TINF2: variants seen among roughly 807,000 people sequenced by gnomAD.
The protein encoded by TINF2 is TERF1 interacting nuclear factor 2, also known as TERF1-interacting nuclear factor 2.
A neutral mutation model predicts 50.4 loss-of-function variants in TINF2; 27 were observed. The ratio of observed to expected loss-of-function variants is 0.54; its 90% CI spans 0.40 to 0.74. TINF2 has a LOEUF of 0.74. TINF2 is among the 30% of genes least tolerant of loss of function. TINF2 has a pLI of 0.00. For synonymous variants in TINF2, 223 were observed against 214.6 expected (o/e 1.04, Z -0.34); for missense variants, 496 against 551.5 (o/e 0.90, Z 1.01).
rs745993165 is a variant in TINF2, at chr14:24,241,840, T to A, written c.297+50A>T. The A allele has an allele frequency of 9.3e-6, 15 of 1,612,962 alleles. No individual in the cohort carries two copies. In the Admixed American group the frequency reaches 2.3e-4, roughly 25 times the overall value. ...ATCCAGTAGACAGGAGGAGCAACTT[T>A]GCTGCACCAAGTGTAACTGGGGTCA... On this transcript the variant is annotated intron_variant, in intron 2 of 8. Coordinates refer to ENST00000267415, the MANE Select transcript of TINF2 (RefSeq NM_001099274.3).
chr14:24,241,204 C>T lies in TINF2; in HGVS notation c.507G>A (p.Gln169=). 1 of 1,614,194 alleles carries T rather than the reference C, an allele frequency of 6.2e-7. No homozygotes were observed. Among genetic ancestry groups the T allele is most frequent in the Non-Finnish European group, 8.5e-7 (1 of 1,180,038 alleles). The change falls in exon 4 of 9, where the codon CAG becomes CAA. Residue 169 remains glutamine (Q), a splice_region_variant and synonymous_variant. Transcript: ENST00000267415. ...EKALPTPQAQ[Q]LQDVLSWMQP... Reference sequence around the variant, plus strand: ...CTTACATGTTTTGCCCCAGCGAAACCTGCTGTGCCTGCGGTGTAGGCAGTG... The same window carrying T: ...CTTACATGTTTTGCCCCAGCGAAACTTGCTGTGCCTGCGGTGTAGGCAGTG...
chr14:24,240,825 G>T lies in TINF2; in HGVS notation c.655C>A (p.Pro219Thr). The part of the protein sequence containing the change: ...VNLAEPMEQN[P>T]PQQQRLALHN... ...AGTGCTAGTCTTTGTTGCTGAGGAG[G>T]ATTCTGTTCCATGGGCTCAGCCAGG... Residue 219 changes from proline to threonine, a missense_variant, in exon 6 of 9, where the codon CCT becomes ACT. By Grantham distance (38) the Pro-to-Thr change is conservative. This residue lies in a region of TINF2 where 314 missense variants were observed against 343.8 expected (regional missense o/e 0.91). Transcript: ENST00000267415. 6.2e-7 allele frequency: 1 copy of T among 1,614,010 alleles called. No individual in the cohort carries two copies. The highest frequency in any genetic ancestry group is 8.5e-7 in the Non-Finnish European group (1 of 1,180,014).
rs2040536030 is a variant in TINF2 at position 24,240,114 on chromosome 14, C to T, written c.1171G>A (p.Asp391Asn). ...TCCTCATCAGAGTCTAAAACCAAGT[C>T]CCCTATGGTAATGACGGAGCTGCAC... The part of the protein sequence containing the change: ...SLCSSVITIG[D>N]LVLDSDEEEN... Residue 391 changes from aspartate (D) to asparagine (N), a missense_variant, in exon 8 of 9, where the codon GAC becomes AAC. Asp to Asn is a conservative substitution (Grantham distance 23). This residue lies in a region of TINF2 where 179 missense variants were observed against 188.3 expected (regional missense o/e 0.95). Coordinates refer to ENST00000267415, the MANE Select transcript of TINF2 (RefSeq NM_001099274.3). 1.2e-6 allele frequency: 2 copies of T among 1,614,082 alleles called. No homozygotes were observed. Among genetic ancestry groups the T allele is most frequent in the South Asian group, 1.1e-5 (1 of 91,058 alleles).
At chr14:24,242,018 C>T in intron 1 of TINF2, 24 bp from the exon 2 acceptor site, 1 of 1,614,216 alleles carries the variant, frequency 6.2e-7, no homozygotes, top group Non-Finnish European at 8.5e-7. Context: ...AATTCAGAAT[C>T]CCCACTTCGG....
Position 24,242,306 on chromosome 14 carries a change from G to C in TINF2, c.27C>G (p.Pro9=), listed in dbSNP as rs754494652. Residue 9 remains proline, a synonymous_variant, in exon 1 of 9, where the codon CCC becomes CCG. Transcript: ENST00000267415. Reference sequence around the variant, plus strand: ...CCGCGGCGGCGAAGCGTAGAGCTGCGGGACCCGCCACCAGGGGCGTAGCCA... The same window carrying C: ...CCGCGGCGGCGAAGCGTAGAGCTGCCGGACCCGCCACCAGGGGCGTAGCCA... MATPLVAG[P]AALRFAAAAS... 6.2e-7 allele frequency: 1 copy of C among 1,612,948 alleles called. No individual in the cohort carries two copies. Among genetic ancestry groups the C allele is most frequent in the African/African-American group, 1.3e-5 (1 of 75,052 alleles).
rs1555303965 is a variant in TINF2 at position 24,240,435 on chromosome 14, C to G, written c.1045G>C (p.Ala349Pro). 1.2e-6 allele frequency: 2 copies of G among 1,614,198 alleles called. No homozygotes were observed. Among genetic ancestry groups the G allele is most frequent in the East Asian group, 4.5e-5 (2 of 44,890 alleles). ...TCCACTCACTCCTTTTGCTCTGTGGCAGGCAAGTCAACTGGGTTCTCCTTC... is the reference window on the plus strand; with the variant it reads ...TCCACTCACTCCTTTTGCTCTGTGGGAGGCAAGTCAACTGGGTTCTCCTTC... ...ALKENPVDLP[A>P]TEQKENCLDC... Residue 349 changes from alanine to proline, a missense_variant, in exon 6 of 9, where the codon GCC (alanine) becomes CCC (proline). By Grantham distance (27) the Ala-to-Pro change is conservative. Transcript: ENST00000267415.
rs2139004587 is a variant in TINF2, at chr14:24,242,408, G to A, written c.-76C>T. ...GGGTGAGGCTTTCCGATCACTCCTAGGGGCGGGGCTTCTGGCAACTCCCTG... is the reference window on the plus strand; with the variant it reads ...GGGTGAGGCTTTCCGATCACTCCTAAGGGCGGGGCTTCTGGCAACTCCCTG... On this transcript the variant is annotated 5_prime_UTR_variant, in exon 1 of 9. Coordinates refer to ENST00000267415, the MANE Select transcript of TINF2 (RefSeq NM_001099274.3). The A allele has an allele frequency of 1.3e-6, 2 of 1,516,350 alleles. 1 individual carries two copies. The highest frequency in any genetic ancestry group is 2.5e-5 in the South Asian group (2 of 81,512). 93.9% of individuals were successfully genotyped at this position (1,516,350 alleles called of 1,614,324 possible). A position where few individuals can be genotyped will look rare whatever the true frequency, so the allele number is the denominator to read the frequency against.
At chr14:24,239,979 G>C in intron 8 of TINF2, 48 bp from the exon 9 acceptor site, 1 of 1,614,126 alleles carries the variant, frequency 6.2e-7, no homozygotes, top group Non-Finnish European at 8.5e-7. Flanking sequence ...ACCATTCCCT[G>C]AACCCTCTGA....
rs36124829 is a variant in TINF2, at chr14:24,242,423, G to A, written c.-91C>T. ...ATCACTCCTAGGGGCGGGGCTTCTGGCAACTCCCTGTCGCTCCGGTCTGTC... is the reference window on the plus strand; with the variant it reads ...ATCACTCCTAGGGGCGGGGCTTCTGACAACTCCCTGTCGCTCCGGTCTGTC... On this transcript the variant is annotated 5_prime_UTR_variant, in exon 1 of 9. Coordinates refer to ENST00000267415, the MANE Select transcript of TINF2 (RefSeq NM_001099274.3). 1.0e-3 allele frequency: 1,543 copies of A among 1,485,390 alleles called. 17 individuals are homozygous for A. In the African/African-American group the frequency reaches 0.018, roughly 18 times the overall value. 92.0% of individuals were successfully genotyped at this position (1,485,390 alleles called of 1,614,324 possible).
In TINF2 at chr14:24,242,334, G is replaced by T. The variant is rs1255751215; in HGVS notation, c.-2C>A. 1.2e-6 allele frequency: 2 copies of T among 1,611,300 alleles called. No individual in the cohort carries two copies. Among genetic ancestry groups the T allele is most frequent in the Non-Finnish European group, 1.7e-6 (2 of 1,178,894 alleles). On this transcript the variant is annotated 5_prime_UTR_variant, in exon 1 of 9. Coordinates refer to ENST00000267415, the MANE Select transcript of TINF2 (RefSeq NM_001099274.3). ...ACCCGCCACCAGGGGCGTAGCCATGGTCGGCGGGCTCCGCCCGGAGGCGGT... is the reference window on the plus strand; with the variant it reads ...ACCCGCCACCAGGGGCGTAGCCATGTTCGGCGGGCTCCGCCCGGAGGCGGT...
Position 24,241,222 on chromosome 14 carries a change from A to G in TINF2, c.489T>C (p.Pro163=). ...GCGAAACCTGCTGTGCCTGCGGTGT[A>G]GGCAGTGCTTTCTCCAGCTGACACA... The part of the protein sequence containing the change: ...EYLCQLEKAL[P]TPQAQQLQDV... Residue 163 remains proline (P), a synonymous_variant, in exon 4 of 9, where the codon CCT becomes CCC. Coordinates refer to ENST00000267415, the MANE Select transcript of TINF2 (RefSeq NM_001099274.3). 1 of 1,614,210 alleles carries G rather than the reference A, an allele frequency of 6.2e-7. No homozygotes were observed. The highest frequency in any genetic ancestry group is 8.5e-7 in the Non-Finnish European group (1 of 1,180,038).
At chr14:24,242,118 C>T (rs762228194) in intron 1 of TINF2, 23 bp downstream of exon 1, 37 of 1,614,128 alleles carry the variant, frequency 2.3e-5, no homozygotes, top group Non-Finnish European at 1.8e-5. Flanking sequence ...CTTTCCCCTT[C>T]CAGGTCCTAC....
chr14:24,241,358 G>A (rs750058552), intron 3 of TINF2, 47 bp from the exon 4 acceptor site: 29 of 1,585,290 alleles, frequency 1.8e-5, no homozygotes, highest in Middle Eastern at 1.7e-4. Context: ...GGCCAGGCAC[G>A]GTGGCTCACG....
In TINF2 at chr14:24,242,262, C is replaced by A; in HGVS notation, c.71G>T (p.Arg24Leu). The stretch of plus-strand genomic sequence containing the variant: ...CGGAAAATGTTCCACGCAGCGTCCG[C>A]GCACAACCTGCCAGCTAGCCGCGGC... Reference protein sequence around the residue: ...FAAAASWQVVRGRCVEHFPRV... With the variant: ...FAAAASWQVVLGRCVEHFPRV... Residue 24 changes from arginine to leucine, a missense_variant, in exon 1 of 9, where the codon CGC (arginine) becomes CTC (leucine). By Grantham distance (102) the Arg-to-Leu change is moderately radical. This residue lies in a region of TINF2 where 314 missense variants were observed against 343.8 expected (regional missense o/e 0.91). Coordinates refer to ENST00000267415, the MANE Select transcript of TINF2 (RefSeq NM_001099274.3). 1 of 1,614,190 alleles carries A rather than the reference C, an allele frequency of 6.2e-7. No homozygotes were observed. The highest frequency in any genetic ancestry group is 8.5e-7 in the Non-Finnish European group (1 of 1,180,042).
Position 24,240,227 on chromosome 14 carries a change from G to A in TINF2, c.1129+36C>T, listed in dbSNP as rs112140114. The A allele has an allele frequency of 3.0e-5, 49 of 1,614,062 alleles. 1 individual carries two copies. Among genetic ancestry groups the A allele is most frequent in the African/African-American group, 2.0e-4 (15 of 75,014 alleles). The stretch of plus-strand genomic sequence containing the variant: ...AGGCTCTTGAGAGTCCCCAAGAGAG[G>A]AGGCTGTTGATCCAATCCTGACTCA... On this transcript the variant is annotated intron_variant, in intron 7 of 8. Coordinates refer to ENST00000267415, the MANE Select transcript of TINF2 (RefSeq NM_001099274.3).
Position 24,242,210 on chromosome 14 carries a change from C to A in TINF2, c.123G>T (p.Leu41=). ...FPRVLEFLRS[L]RAVAPGLVRY... ...GAACCAAGCCAGGGGCAACAGCGCG[C>A]AGAGATCGCAGAAACTCCAGTACTC... is the stretch of plus-strand genomic sequence containing the variant. The change falls in exon 1 of 9, where the codon CTG becomes CTT. Residue 41 remains leucine, a synonymous_variant. Coordinates refer to ENST00000267415, the MANE Select transcript of TINF2 (RefSeq NM_001099274.3). The A allele has an allele frequency of 6.2e-7, 1 of 1,614,278 alleles. No homozygotes were observed. The highest frequency in any genetic ancestry group is 8.5e-7 in the Non-Finnish European group (1 of 1,180,050).
In TINF2 at chr14:24,242,296, G is replaced by A. The variant is rs2040598351; in HGVS notation, c.37C>T (p.Arg13Cys). 1 of 1,613,306 alleles carries A rather than the reference G, an allele frequency of 6.2e-7. No homozygotes were observed. Among genetic ancestry groups the A allele is most frequent in the Non-Finnish European group, 8.5e-7 (1 of 1,179,864 alleles). Residue 13 changes from arginine to cysteine, a missense_variant, in exon 1 of 9, where the codon CGC (arginine) becomes TGC (cysteine). Coordinates refer to ENST00000267415, the MANE Select transcript of TINF2 (RefSeq NM_001099274.3). ...TGCCAGCTAGCCGCGGCGGCGAAGCGTAGAGCTGCGGGACCCGCCACCAGG... is the reference window on the plus strand; with the variant it reads ...TGCCAGCTAGCCGCGGCGGCGAAGCATAGAGCTGCGGGACCCGCCACCAGG... ...TPLVAGPAAL[R>C]FAAAASWQVV...
At position 24,241,285 on chromosome 14, in the gene TINF2, G is replaced by A; in HGVS notation, c.426C>T (p.Pro142=). The A allele has an allele frequency of 6.2e-7, 1 of 1,614,154 alleles. No homozygotes were observed. The highest frequency in any genetic ancestry group is 8.5e-7 in the Non-Finnish European group (1 of 1,180,044). ...GCAGCTTTTCCATGGCAGCCAGAAA[G>A]GGTTCCCCATACTCTTGTTCAAGTT... ...LQELEQEYGE[P]FLAAMEKLLF... Residue 142 remains proline, a synonymous_variant, in exon 4 of 9, where the codon CCC becomes CCT. Transcript: ENST00000267415.
At chr14:24,242,083 G>C in intron 1 of TINF2, 58 bp downstream of exon 1, 1 of 1,614,108 alleles carries the variant, frequency 6.2e-7, no homozygotes, top group Non-Finnish European at 8.5e-7. Flanking sequence ...CCCTTGTCAG[G>C]TGCTCGCATC....
Sources: gnomAD v4.1 joint callset for allele counts on GRCh38, gnomAD v4.1.1 for gene constraint, gnomAD v4.1.1 regional missense constraint, MANE v1.5 for transcripts, NCBI Gene and HGNC (gene_info 2026-07-23, HGNC 2026-07-21) for gene names.